Variants in NAALADL2 observed in about 807,000 individuals in gnomAD.
NAALADL2 encodes inactive N-acetylated-alpha-linked acidic dipeptidase-like protein 2.
In NAALADL2, 76 loss-of-function variants were observed where a neutral mutation model predicts 87.2. The ratio of observed to expected loss-of-function variants is 0.87; its 90% CI spans 0.72 to 1.05. The LOEUF is 1.05. Among genes scored for constraint, NAALADL2 ranks in the 50% least tolerant of loss-of-function variants. The probability of loss-of-function intolerance (pLI) is 0.00; values close to 1 mark genes in which losing one functional copy is unlikely to be tolerated. For synonymous variants in NAALADL2, 354 were observed against 331.0 expected (o/e 1.07, Z -0.75); for missense variants, 1,089 against 945.8 (o/e 1.15, Z -1.99).
chr3:174,882,625 ATG>A (rs1300703256), intron 1 of NAALADL2, among the ~76,000 whole-genome samples: 1 of 89,670 alleles, frequency 1.1e-5, no homozygotes, highest in African/African-American at 4.1e-5. Context: ...ATATGCATAT[ATG>A]TGCATATACA....
chr3:175,302,735 A>C (rs1365664001), intron 4 of NAALADL2, among the ~76,000 whole-genome samples: 1 of 152,058 alleles, frequency 6.6e-6, no homozygotes, highest in East Asian at 1.9e-4. Flanking sequence ...TTTTATAAGT[A>C]CTGGGGCAAT....
intron 13 of NAALADL2, among the ~76,000 whole-genome samples, chr3:175,789,117 C>T (rs916236979): frequency 2.6e-5 from 4 of 152,128 alleles, no homozygotes; most frequent in Admixed American, 6.6e-5. Context: ...TTCAATCACT[C>T]GCATTTAAAT....
chr3:174,623,852 T>C (rs1380304180), intron 2 of NAALADL2, among the ~76,000 whole-genome samples: 1 of 152,138 alleles, frequency 6.6e-6, no homozygotes, highest in Non-Finnish European at 1.5e-5. Context: ...AGAATCTCCT[T>C]CTACCATGTA....
intron 2 of NAALADL2, among the ~76,000 whole-genome samples, chr3:174,728,507 G>T (rs1435966033): frequency 2.0e-5 from 3 of 152,032 alleles, no homozygotes. Context: ...GGCTAAGTAA[G>T]ATGCATCAGT....
At chr3:174,747,878 A>G (rs1442532921) in intron 3 of NAALADL2, among the ~76,000 whole-genome samples, 2 of 152,194 alleles carry the variant, frequency 1.3e-5, no homozygotes, top group Non-Finnish European at 2.9e-5. Context: ...TCATTGCAGC[A>G]CTATTCACAA....
chr3:174,608,132 C>A (rs917745390), intron 2 of NAALADL2, among the ~76,000 whole-genome samples: 21 of 151,430 alleles, frequency 1.4e-4, no homozygotes, highest in African/African-American at 3.9e-4. Flanking sequence ...AACAAAGACA[C>A]AACATACCAG....
intron 9 of NAALADL2, among the ~76,000 whole-genome samples, chr3:175,555,826 T>C (rs183899761): frequency 1.4e-3 from 206 of 152,348 alleles, no homozygotes; most frequent in African/African-American, 4.6e-3. Context: ...GTCTAATTGT[T>C]ACTGTCATAT....
intron 2 of NAALADL2, among the ~76,000 whole-genome samples, chr3:174,631,049 AC>A (rs1470750699): frequency 1.1e-4 from 17 of 152,164 alleles, no homozygotes; most frequent in Non-Finnish European, 2.1e-4. Flanking sequence ...GGGAGTAACA[AC>A]TTTTACTTCC....
chr3:175,585,669 G>A (rs1720443296), intron 10 of NAALADL2, among the ~76,000 whole-genome samples: 1 of 151,908 alleles, frequency 6.6e-6, no homozygotes, highest in South Asian at 2.1e-4. Context: ...TGAATTAAGG[G>A]CATTATAGGA....
At chr3:174,941,424 C>T (rs1255023397) in intron 1 of NAALADL2, among the ~76,000 whole-genome samples, 3 of 151,836 alleles carry the variant, frequency 2.0e-5, no homozygotes, top group Non-Finnish European at 2.9e-5. Flanking sequence ...AATTATGTGG[C>T]TGATTTTAGA....
At chr3:174,882,542 CACAT>C (rs1396805787) in intron 1 of NAALADL2, among the ~76,000 whole-genome samples, 1 of 145,184 alleles carries the variant, frequency 6.9e-6, no homozygotes, top group Non-Finnish European at 1.5e-5. Flanking sequence ...TATGCATACA[CACAT>C]ATGTACATAT....
chr3:174,955,164 G>A (rs1740971266), intron 1 of NAALADL2, among the ~76,000 whole-genome samples: 2 of 151,950 alleles, frequency 1.3e-5, no homozygotes, highest in African/African-American at 4.8e-5. Flanking sequence ...CATCAGTTAC[G>A]GCATCGTCTT....
intron 1 of NAALADL2, among the ~76,000 whole-genome samples, chr3:174,945,584 G>T (rs1739291948): frequency 6.6e-6 from 1 of 152,102 alleles, no homozygotes. Context: ...CAAACGTTTT[G>T]AGCACTTGTA....
intron 4 of NAALADL2, among the ~76,000 whole-genome samples, chr3:175,300,702 A>G (rs1328141613): frequency 1.3e-5 from 2 of 150,744 alleles, no homozygotes; most frequent in Non-Finnish European, 3.0e-5. Context: ...TCTGGCTAGC[A>G]GTCTATTTTG....
At chr3:174,814,068 C>T (rs1442337382) in intron 3 of NAALADL2, among the ~76,000 whole-genome samples, 1 of 151,848 alleles carries the variant, frequency 6.6e-6, no homozygotes, top group Non-Finnish European at 1.5e-5. Context: ...GGTGTGACAA[C>T]TGTCTGTTTA....
At position 174,953,567 on chromosome 3, in the gene NAALADL2, A is replaced by G. The variant is rs1046462087; in HGVS notation, c.43+94117A>G. On this transcript the variant is annotated intron_variant, in intron 1 of 13. Transcript: ENST00000454872. ...TGCCTCCTTTGTATAATATGAAACAATAACAATAAATTTGGCTGGGTAGGT... is the reference window on the plus strand; with the variant it reads ...TGCCTCCTTTGTATAATATGAAACAGTAACAATAAATTTGGCTGGGTAGGT... 4.6e-5 allele frequency among the ~76,000 whole-genome samples: 7 copies of G among 151,940 alleles called. No individual in the cohort carries two copies. In the East Asian group the frequency reaches 9.7e-4, roughly 21 times the overall value.
intron 1 of NAALADL2, among the ~76,000 whole-genome samples, chr3:174,912,506 T>C (rs934410436): frequency 3.9e-5 from 6 of 152,256 alleles, no homozygotes; most frequent in East Asian, 3.9e-4. Context: ...GTAACCAAAA[T>C]GTGGTCAGCT....
chr3:175,791,488 C>T (rs1433459692), intron 13 of NAALADL2, among the ~76,000 whole-genome samples: 1 of 152,162 alleles, frequency 6.6e-6, no homozygotes, highest in Non-Finnish European at 1.5e-5. Context: ...GAAACCAAGA[C>T]ATTGGGACAG....
At chr3:175,784,127 G>A (rs1355061605) in intron 13 of NAALADL2, among the ~76,000 whole-genome samples, 1 of 149,868 alleles carries the variant, frequency 6.7e-6, no homozygotes, top group Non-Finnish European at 1.5e-5. Context: ...GAGGATTTTT[G>A]CATCAAGGTT....
Sources: gnomAD v4.1 joint callset for allele counts (sites outside exome capture counted in the v4.1 genomes callset) on GRCh38, gnomAD v4.1.1 for gene constraint, MANE v1.5 for transcripts, NCBI Gene and HGNC (gene_info 2026-07-23, HGNC 2026-07-21) for gene names.